HS6ST2: variants seen among roughly 807,000 people sequenced by gnomAD.
HS6ST2 encodes the protein heparan sulfate 6-O-sulfotransferase 2.
In HS6ST2, 17 loss-of-function variants were observed where a neutral mutation model predicts 33.0. That is an observed-to-expected ratio of 0.52 (90% CI 0.35 to 0.77). The LOEUF (loss-of-function observed/expected upper bound fraction) is 0.77. Among genes scored for constraint, HS6ST2 ranks in the 30% least tolerant of loss-of-function variants. The pLI is 0.01. For missense variants in HS6ST2, 519 were observed against 551.7 expected, an observed-to-expected ratio of 0.94 and a Z score of 0.59; for synonymous variants, 248 against 237.1, an observed-to-expected ratio of 1.05 and a Z score of -0.42.
Position 132,708,529 on chromosome X carries a change from G to C in HS6ST2, c.948-35C>G, listed in dbSNP as rs188348525. 2,187 of 1,128,992 alleles carry C rather than the reference G, an allele frequency of 1.9e-3. 2 individuals carry two copies. The highest frequency in any genetic ancestry group is 8.6e-3 in the Middle Eastern group (36 of 4,176). The allele number at this position is 1,128,992 out of a possible 1,213,427, so 93.0% of individuals were successfully genotyped here. The stretch of plus-strand genomic sequence containing the variant: ...GAACAGTAAAACCAGTCGCTAGCAA[G>C]AGCTTGGTAGGAGAGGAGATAAAAT... On this transcript the variant is annotated intron_variant, in intron 2 of 4. Transcript: ENST00000370833.
intron 2 of HS6ST2, among the ~76,000 whole-genome samples, chrX:132,946,871 G>T (rs900137138): frequency 1.2e-4 from 13 of 111,843 alleles, no homozygotes; most frequent in South Asian, 3.8e-4. Flanking sequence ...AATAGTAATA[G>T]ATCTTCTTGG....
chrX:132,880,224 A>G (rs774249674), intron 2 of HS6ST2, among the ~76,000 whole-genome samples: 1 of 111,461 alleles, frequency 9.0e-6, no homozygotes, highest in South Asian at 3.8e-4. Context: ...AACCAAAATT[A>G]AAATAAATAC....
chrX:132,880,490 A>G (rs1460692658), intron 2 of HS6ST2, among the ~76,000 whole-genome samples: 4 of 102,197 alleles, frequency 3.9e-5, no homozygotes, highest in African/African-American at 1.4e-4. Flanking sequence ...GAGCCACTAC[A>G]CTCCAGCCTG....
intron 4 of HS6ST2, among the ~76,000 whole-genome samples, chrX:132,661,579 T>C (rs751525395): frequency 2.7e-5 from 3 of 112,204 alleles, no homozygotes; most frequent in Non-Finnish European, 5.6e-5. Flanking sequence ...CCTGAGTTCA[T>C]GGTAACTCAA....
At chrX:132,739,481 G>A (rs2064545120) in intron 2 of HS6ST2, among the ~76,000 whole-genome samples, 2 of 111,103 alleles carry the variant, frequency 1.8e-5, no homozygotes, top group Admixed American at 9.6e-5. Flanking sequence ...TTGGGAGGCC[G>A]AGGCAGACGG....
chrX:132,924,921 G>A (rs2066695604), intron 2 of HS6ST2, among the ~76,000 whole-genome samples: 1 of 110,839 alleles, frequency 9.0e-6, no homozygotes, highest in African/African-American at 3.3e-5. Context: ...CTGGGAGTTC[G>A]AGACCAGCCT....
chrX:132,648,313 T>A (rs2063662572), intron 4 of HS6ST2, among the ~76,000 whole-genome samples: 1 of 111,139 alleles, frequency 9.0e-6, no homozygotes, highest in South Asian at 3.8e-4. Context: ...TTTGTGCACT[T>A]CCCGTGGGTC....
At chrX:132,807,315 G>A (rs1309100037) in intron 2 of HS6ST2, among the ~76,000 whole-genome samples, 4 of 110,476 alleles carry the variant, frequency 3.6e-5, no homozygotes, top group African/African-American at 1.3e-4. Flanking sequence ...GGCCTGAGAT[G>A]GCCACAATTC....
chrX:132,807,370 C>T (rs1261000617), intron 2 of HS6ST2, among the ~76,000 whole-genome samples: 1 of 110,120 alleles, frequency 9.1e-6, no homozygotes, highest in Non-Finnish European at 1.9e-5. Context: ...ACGTTTTCAG[C>T]GAAGCCCTTA....
chrX:132,864,114 C>T (rs935178756), intron 2 of HS6ST2, among the ~76,000 whole-genome samples: 1 of 109,746 alleles, frequency 9.1e-6, no homozygotes, highest in Non-Finnish European at 1.9e-5. Context: ...CATCAAAGAC[C>T]AAAGGTAGAT....
At chrX:132,746,649 A>G (rs937120823) in intron 2 of HS6ST2, among the ~76,000 whole-genome samples, 3 of 112,048 alleles carry the variant, frequency 2.7e-5, no homozygotes, top group Non-Finnish European at 5.6e-5. Flanking sequence ...CCTCCCTCCA[A>G]TAATGTTTAG....
At chrX:132,676,913 G>C (rs2063926969) in intron 3 of HS6ST2, among the ~76,000 whole-genome samples, 1 of 112,287 alleles carries the variant, frequency 8.9e-6, no homozygotes, top group African/African-American at 3.2e-5. Context: ...GGCTTCTGAG[G>C]AGGGCAGATG....
At chrX:132,805,784 A>G (rs1314549845) in intron 2 of HS6ST2, among the ~76,000 whole-genome samples, 1 of 110,509 alleles carries the variant, frequency 9.0e-6, no homozygotes, top group African/African-American at 3.3e-5. Flanking sequence ...TTTGTAAAGC[A>G]TATGAAATTT....
intron 2 of HS6ST2, among the ~76,000 whole-genome samples, chrX:132,863,859 T>A (rs781758956): frequency 9.0e-6 from 1 of 111,650 alleles, no homozygotes; most frequent in African/African-American, 3.3e-5. Flanking sequence ...CAATTAAATA[T>A]TGAAGAAGGC....
At chrX:132,640,687 C>G (rs772324536) in intron 4 of HS6ST2, among the ~76,000 whole-genome samples, 2 of 110,980 alleles carry the variant, frequency 1.8e-5, no homozygotes, top group Non-Finnish European at 3.8e-5. Flanking sequence ...CTAAGATTTC[C>G]AAGACTTAGA....
rs773723408 is a variant in HS6ST2, at chrX:132,893,761, T to C, written c.947+63047A>G. Among the ~76,000 whole-genome samples, 3 of 111,612 alleles carry C rather than the reference T, an allele frequency of 2.7e-5. No homozygotes were observed. In the South Asian group the frequency reaches 1.1e-3, roughly 43 times the overall value. On this transcript the variant is annotated intron_variant, in intron 2 of 4. Coordinates refer to ENST00000370833, the MANE Select transcript of HS6ST2 (RefSeq NM_001394073.1). ...GAAGAATGAATATGGCATTGAGGTC[T>C]ATTGAATGCCACTAAACAGGGTGTC...
chrX:132,667,281 A>AACC (rs2063816663), intron 4 of HS6ST2, among the ~76,000 whole-genome samples: 1 of 111,791 alleles, frequency 8.9e-6, no homozygotes, highest in Non-Finnish European at 1.9e-5. Flanking sequence ...TTTCACTAAC[A>AACC]ACCAATAAAA....
chrX:132,763,975 A>C (rs2064824137), intron 2 of HS6ST2, among the ~76,000 whole-genome samples: 1 of 112,693 alleles, frequency 8.9e-6, no homozygotes, highest in Non-Finnish European at 1.9e-5. Context: ...TGTCACTTGG[A>C]ATACCAAAAT....
intron 2 of HS6ST2, among the ~76,000 whole-genome samples, chrX:132,727,979 C>CT (rs1249856191): frequency 8.9e-6 from 1 of 112,071 alleles, no homozygotes; most frequent in East Asian, 2.8e-4. Context: ...TCATGTCAGT[C>CT]TTTTTTACAG....
Sources: allele counts gnomAD v4.1 joint callset (sites outside exome capture counted in the v4.1 genomes callset), GRCh38; gene constraint gnomAD v4.1.1; transcripts MANE v1.5; gene names NCBI Gene and HGNC (gene_info 2026-07-23, HGNC 2026-07-21).